GPC5: variants seen among roughly 807,000 people sequenced by gnomAD.
GPC5 encodes glypican-5.
GPC5 carries 47 observed loss-of-function variants against 53.9 expected under a neutral mutation model. The observed-to-expected ratio is 0.87, with a 90% CI of 0.69 to 1.11. The LOEUF is 1.11. GPC5 is among the 50% of genes most tolerant of loss of function. GPC5 has a pLI of 0.00. For missense variants in GPC5, 748 were observed against 713.1 expected (o/e 1.05, Z -0.56); for synonymous variants, 286 against 263.3 (o/e 1.09, Z -0.84).
intron 6 of GPC5, among the ~76,000 whole-genome samples, chr13:92,050,533 A>G (rs1394748262): frequency 6.6e-6 from 1 of 152,196 alleles, no homozygotes; most frequent in Non-Finnish European, 1.5e-5. Flanking sequence ...GATCAGTGCC[A>G]AGTCCCTGAG....
chr13:92,479,354 C>T lies in GPC5; in HGVS notation c.1561+334365C>T, dbSNP rs139627915. ...AGAAAGCCTTTATCATAGAAGCAAG[C>T]GATAAACTTCACTAAACACTTGTAG... On this transcript the variant is annotated intron_variant, in intron 7 of 7. Transcript: ENST00000377067. 1.1e-3 allele frequency among the ~76,000 whole-genome samples: 174 copies of T among 152,160 alleles called. 1 individual carries two copies. The highest frequency in any genetic ancestry group is 1.9e-3 in the Non-Finnish European group (126 of 68,004).
chr13:92,351,329 CT>C (rs2043475502), intron 7 of GPC5, among the ~76,000 whole-genome samples: 2 of 151,664 alleles, frequency 1.3e-5, no homozygotes, highest in Non-Finnish European at 2.9e-5. Context: ...AATTGATACA[CT>C]TTTGAAATAA....
chr13:91,794,610 C>A (rs1372837301), intron 5 of GPC5, among the ~76,000 whole-genome samples: 3 of 152,152 alleles, frequency 2.0e-5, no homozygotes, highest in African/African-American at 7.2e-5. Flanking sequence ...ATATCCTATT[C>A]TATCAATTTG....
At chr13:92,136,861 C>T (rs778475824) in intron 6 of GPC5, among the ~76,000 whole-genome samples, 34 of 152,122 alleles carry the variant, frequency 2.2e-4, no homozygotes, top group Non-Finnish European at 1.5e-4. Context: ...ATTAATTCAC[C>T]AGCTGAAAGA....
intron 5 of GPC5, among the ~76,000 whole-genome samples, chr13:91,851,338 TA>T (rs2038910746): frequency 6.6e-6 from 1 of 151,920 alleles, no homozygotes; most frequent in African/African-American, 2.4e-5. Context: ...AATACACTCA[TA>T]TAGGGAACTC....
chr13:91,987,295 T>C (rs2040417923), intron 6 of GPC5, among the ~76,000 whole-genome samples: 2 of 152,194 alleles, frequency 1.3e-5, no homozygotes, highest in Admixed American at 6.5e-5. Flanking sequence ...TCTCCTACTA[T>C]TTACAAACAT....
At chr13:92,546,950 A>G (rs1224229240) in intron 7 of GPC5, among the ~76,000 whole-genome samples, 1 of 152,212 alleles carries the variant, frequency 6.6e-6, no homozygotes, top group Non-Finnish European at 1.5e-5. Flanking sequence ...GGTGCTGGGA[A>G]AACTGGCTAG....
At chr13:92,489,477 G>A (rs1879679885) in intron 7 of GPC5, among the ~76,000 whole-genome samples, 1 of 152,090 alleles carries the variant, frequency 6.6e-6, no homozygotes, top group Admixed American at 6.6e-5. Flanking sequence ...CATAAAAATT[G>A]TGAGATGAGA....
chr13:92,371,916 T>G (rs1926603), intron 7 of GPC5, among the ~76,000 whole-genome samples: 89,975 of 152,058 alleles, frequency 0.59, 26,832 homozygotes, highest in East Asian at 0.7. Context: ...GACTCAATCT[T>G]CCATTGCTGG....
At chr13:92,163,019 C>G (rs2042001319) in intron 7 of GPC5, among the ~76,000 whole-genome samples, 2 of 151,788 alleles carry the variant, frequency 1.3e-5, no homozygotes, top group South Asian at 4.2e-4. Flanking sequence ...TTCTTGGGAT[C>G]AAATATACTG....
intron 5 of GPC5, among the ~76,000 whole-genome samples, chr13:91,859,617 AATG>A (rs2039004384): frequency 6.6e-6 from 1 of 151,886 alleles, no homozygotes; most frequent in African/African-American, 2.4e-5. Context: ...TAGGTTCTGT[AATG>A]ATATTTCTTC....
chr13:92,791,818 T>C (rs180959534), intron 7 of GPC5, among the ~76,000 whole-genome samples: 1 of 152,222 alleles, frequency 6.6e-6, no homozygotes, highest in African/African-American at 2.4e-5. Flanking sequence ...ATTTACTACA[T>C]TATTATTTTT....
At chr13:92,862,142 C>T (rs1879201315) in intron 7 of GPC5, among the ~76,000 whole-genome samples, 1 of 152,160 alleles carries the variant, frequency 6.6e-6, no homozygotes, top group Admixed American at 6.6e-5. Context: ...AATTCTGCCA[C>T]AGCTATGTTA....
At chr13:91,761,408 G>T (rs2037409254) in intron 5 of GPC5, among the ~76,000 whole-genome samples, 1 of 151,966 alleles carries the variant, frequency 6.6e-6, no homozygotes, top group Non-Finnish European at 1.5e-5. Context: ...CCAGATGAGT[G>T]TCCTCCAATT....
At chr13:91,473,020 G>A (rs1349230164) in intron 2 of GPC5, among the ~76,000 whole-genome samples, 1 of 152,096 alleles carries the variant, frequency 6.6e-6, no homozygotes, top group Non-Finnish European at 1.5e-5. Context: ...GTTCCATATG[G>A]CTGGGGAGGC....
intron 5 of GPC5, among the ~76,000 whole-genome samples, chr13:91,778,782 T>G (rs765721171): frequency 3.9e-5 from 6 of 152,200 alleles, no homozygotes; most frequent in Non-Finnish European, 7.3e-5. Context: ...ATGAAGATAA[T>G]TCTAAGAAAT....
intron 7 of GPC5, among the ~76,000 whole-genome samples, chr13:92,581,437 A>G (rs1317862767): frequency 6.6e-6 from 1 of 152,174 alleles, no homozygotes; most frequent in Non-Finnish European, 1.5e-5. Context: ...TCCATTATGT[A>G]TATATACCAC....
At chr13:91,451,212 T>A (rs575539106) in intron 2 of GPC5, among the ~76,000 whole-genome samples, 1 of 152,294 alleles carries the variant, frequency 6.6e-6, no homozygotes, top group African/African-American at 2.4e-5. Flanking sequence ...ACATTTTGAT[T>A]TTTTAGTTTT....
chr13:92,773,992 C>T (rs1198641029), intron 7 of GPC5, among the ~76,000 whole-genome samples: 3 of 152,156 alleles, frequency 2.0e-5, no homozygotes, highest in African/African-American at 7.2e-5. Flanking sequence ...ATTTATAAAA[C>T]CATCAGATCT....
Sources: gnomAD v4.1 joint callset for allele counts (sites outside exome capture counted in the v4.1 genomes callset) on GRCh38, gnomAD v4.1.1 for gene constraint, MANE v1.5 for transcripts, NCBI Gene and HGNC (gene_info 2026-07-23, HGNC 2026-07-21) for gene names.